ACVR1: variants seen among roughly 807,000 people sequenced by gnomAD.
ACVR1 encodes activin receptor type-1.
In ACVR1, 38 loss-of-function variants were observed where a neutral mutation model predicts 57.1. That is an observed-to-expected ratio of 0.67 (90% CI 0.51 to 0.87). ACVR1 has a LOEUF of 0.87. Ranked by LOEUF, ACVR1 falls within the 40% of genes least tolerant of loss-of-function variation. The probability of loss-of-function intolerance (pLI) is 0.00; values close to 1 mark genes in which losing one functional copy is unlikely to be tolerated. For missense variants in ACVR1, 463 were observed against 638.2 expected (o/e 0.73, Z 2.96); for synonymous variants, 212 against 228.1 (o/e 0.93, Z 0.63).
At chr2:157,786,261 C>T (rs976779157) in intron 3 of ACVR1, among the ~76,000 whole-genome samples, 2 of 152,220 alleles carry the variant, frequency 1.3e-5, no homozygotes, top group African/African-American at 4.8e-5. Context: ...ATTGTAAGCA[C>T]CATGAGGGTG....
At chr2:157,841,221 A>C (rs992573292) in intron 1 of ACVR1, among the ~76,000 whole-genome samples, 5 of 152,176 alleles carry the variant, frequency 3.3e-5, no homozygotes, top group African/African-American at 9.7e-5. Context: ...ATGCTGAGAA[A>C]AAAAAACTAT....
intron 9 of ACVR1, among the ~76,000 whole-genome samples, chr2:157,756,440 A>AG (rs1232720313): frequency 2.0e-5 from 3 of 152,166 alleles, no homozygotes; most frequent in African/African-American, 7.2e-5. Context: ...AGAATCTACA[A>AG]GGGACTCAAG....
intron 3 of ACVR1, among the ~76,000 whole-genome samples, chr2:157,792,457 G>T (rs557958628): frequency 2.4e-3 from 369 of 152,276 alleles, no homozygotes; most frequent in Non-Finnish European, 3.9e-3. Context: ...GAGAAAGGAT[G>T]GTCAGGCTAC....
At chr2:157,841,073 CAA>C (rs1335668016) in intron 1 of ACVR1, among the ~76,000 whole-genome samples, 1 of 152,148 alleles carries the variant, frequency 6.6e-6, no homozygotes, top group Non-Finnish European at 1.5e-5. Flanking sequence ...CCAGGTATGG[CAA>C]AAATTATGAA....
At chr2:157,780,674 G>C in intron 3 of ACVR1, 74 bp from the exon 4 acceptor site, 1 of 1,550,618 alleles carries the variant, frequency 6.4e-7, no homozygotes, top group East Asian at 2.3e-5. Context: ...TTCATTGAGG[G>C]AATGACCATT....
chr2:157,791,448 T>C (rs1686908693), intron 3 of ACVR1, among the ~76,000 whole-genome samples: 2 of 152,216 alleles, frequency 1.3e-5, no homozygotes, highest in South Asian at 4.1e-4. Flanking sequence ...CAAATATTTA[T>C]TGAGCACCAA....
At chr2:157,859,303 C>G (rs1422173678) in intron 1 of ACVR1, among the ~76,000 whole-genome samples, 1 of 152,190 alleles carries the variant, frequency 6.6e-6, no homozygotes, top group Non-Finnish European at 1.5e-5. Flanking sequence ...TGACAGTTTA[C>G]AAATGCCACG....
chr2:157,809,998 C>A (rs1158176092), intron 2 of ACVR1, among the ~76,000 whole-genome samples: 3 of 152,086 alleles, frequency 2.0e-5, no homozygotes, highest in South Asian at 2.1e-4. Context: ...ATTACTTGAG[C>A]CCAGGAGTTC....
chr2:157,751,391 G>A (rs924260822), intron 9 of ACVR1, among the ~76,000 whole-genome samples: 1 of 152,214 alleles, frequency 6.6e-6, no homozygotes, highest in East Asian at 1.9e-4. Flanking sequence ...AAAAGACCAC[G>A]GGGAGATGGA....
chr2:157,791,553 C>A (rs994757011), intron 3 of ACVR1, among the ~76,000 whole-genome samples: 2 of 152,204 alleles, frequency 1.3e-5, no homozygotes, highest in Admixed American at 1.3e-4. Context: ...GTGTGCCGGG[C>A]ACTCGGCATG....
intron 1 of ACVR1, among the ~76,000 whole-genome samples, chr2:157,822,380 C>T (rs969285930): frequency 6.6e-6 from 1 of 152,132 alleles, no homozygotes; most frequent in Admixed American, 6.5e-5. Context: ...CTGTGTTAAC[C>T]ACATTACTTG....
rs867320759 is a variant in ACVR1 at position 157,810,976 on chromosome 2, C to T, written c.-8+7409G>A. Among the ~76,000 whole-genome samples the T allele has an allele frequency of 6.6e-5, 10 of 152,274 alleles. No homozygotes were observed. The Middle Eastern group carries it at 0.014, about 207-fold the overall frequency. On this transcript the variant is annotated intron_variant, in intron 2 of 10. Transcript: ENST00000434821. ...TCAAAATATGGATTCCCAAGCCTCA[C>T]CCCCTAGAGATTTTGATCTGTGACG...
chr2:157,867,997 GC>G (rs1281627447), intron 1 of ACVR1, among the ~76,000 whole-genome samples: 1 of 152,108 alleles, frequency 6.6e-6, no homozygotes, highest in Non-Finnish European at 1.5e-5. Flanking sequence ...TTCAAAGTAA[GC>G]CATAATGTGC....
intron 6 of ACVR1, among the ~76,000 whole-genome samples, chr2:157,771,489 G>GTA (rs1686068613): frequency 6.6e-6 from 1 of 152,100 alleles, no homozygotes; most frequent in African/African-American, 2.4e-5. Flanking sequence ...GATCAACAAG[G>GTA]GGTATAATCA....
At position 157,737,482 on chromosome 2, in the gene ACVR1, T is replaced by C; in HGVS notation, c.*49A>G. 1.2e-6 allele frequency: 2 copies of C among 1,609,316 alleles called. No homozygotes were observed. Among genetic ancestry groups the C allele is most frequent in the Non-Finnish European group, 1.7e-6 (2 of 1,177,292 alleles). ...AGTCAGGCCAGCATTAGGTCCCAGC[T>C]GGACAATGACAACAACGTCAAATCT... On this transcript the variant is annotated 3_prime_UTR_variant, in exon 11 of 11. Coordinates refer to ENST00000434821, the MANE Select transcript of ACVR1 (RefSeq NM_001111067.4).
At chr2:157,871,164 A>T (rs947468851) in intron 1 of ACVR1, among the ~76,000 whole-genome samples, 49 of 152,230 alleles carry the variant, frequency 3.2e-4, no homozygotes, top group Non-Finnish European at 6.5e-4. Context: ...GAAAGAATCA[A>T]TGGAGGAATG....
intron 1 of ACVR1, among the ~76,000 whole-genome samples, chr2:157,872,061 A>G (rs1210464655): frequency 6.6e-6 from 1 of 152,194 alleles, no homozygotes; most frequent in African/African-American, 2.4e-5. Flanking sequence ...TAAATCTTCC[A>G]TTTGGTTCTT....
At chr2:157,753,168 G>C (rs1325810481) in intron 9 of ACVR1, among the ~76,000 whole-genome samples, 1 of 152,138 alleles carries the variant, frequency 6.6e-6, no homozygotes, top group African/African-American at 2.4e-5. Flanking sequence ...AGCTATTCTT[G>C]TATCAGACAA....
At chr2:157,766,844 C>T (rs1411804152) in intron 7 of ACVR1, among the ~76,000 whole-genome samples, 1 of 152,118 alleles carries the variant, frequency 6.6e-6, no homozygotes, top group African/African-American at 2.4e-5. Flanking sequence ...GAAAACACTA[C>T]AATAAAATAC....
Sources: gnomAD v4.1 joint callset for allele counts (sites outside exome capture counted in the v4.1 genomes callset) on GRCh38, gnomAD v4.1.1 for gene constraint, MANE v1.5 for transcripts, NCBI Gene and HGNC (gene_info 2026-07-23, HGNC 2026-07-21) for gene names.